GPC6: variants seen among roughly 807,000 people sequenced by gnomAD.
GPC6 encodes the protein glypican-6.
GPC6 carries 14 observed loss-of-function variants against 55.2 expected under a neutral mutation model. The ratio of observed to expected loss-of-function variants is 0.25; its 90% CI spans 0.17 to 0.40. The LOEUF is 0.40. GPC6 is among the 10% of genes least tolerant of loss of function. The pLI is 1.00. For missense variants in GPC6, 641 were observed against 708.5 expected (o/e 0.90, Z 1.08); for synonymous variants, 278 against 259.6 (o/e 1.07, Z -0.68).
rs1253451698 is a variant in GPC6 at position 94,374,131 on chromosome 13, C to T, written c.1153-8283C>T. ...AATCATGCCAAAGTGTAAAGACCATCGAGACTAGGAAGAAACTGCATCAAC... is the reference window on the plus strand; with the variant it reads ...AATCATGCCAAAGTGTAAAGACCATTGAGACTAGGAAGAAACTGCATCAAC... On this transcript the variant is annotated intron_variant, in intron 6 of 8. Transcript: ENST00000377047. Among the ~76,000 whole-genome samples, 11 of 151,940 alleles carry T rather than the reference C, an allele frequency of 7.2e-5. 1 individual carries two copies. Among genetic ancestry groups the T allele is most frequent in the Admixed American group, 5.2e-4 (8 of 15,250 alleles).
intron 4 of GPC6, among the ~76,000 whole-genome samples, chr13:94,147,516 G>A (rs964995500): frequency 6.6e-6 from 1 of 152,168 alleles, no homozygotes; most frequent in Non-Finnish European, 1.5e-5. Context: ...GGTTGAGTAA[G>A]ATGATGCATA....
At chr13:93,471,269 C>G (rs1594193364) in intron 1 of GPC6, among the ~76,000 whole-genome samples, 1 of 150,540 alleles carries the variant, frequency 6.6e-6, no homozygotes. Flanking sequence ...AATCCCAGCA[C>G]TTTGGGAGGC....
intron 4 of GPC6, among the ~76,000 whole-genome samples, chr13:94,195,300 C>T (rs561006122): frequency 1.3e-5 from 2 of 152,020 alleles, no homozygotes; most frequent in Admixed American, 6.6e-5. Flanking sequence ...AGTAAGAAGC[C>T]ATTGTGGGCA....
intron 4 of GPC6, among the ~76,000 whole-genome samples, chr13:94,238,617 G>A (rs994352521): frequency 1.3e-5 from 2 of 152,158 alleles, no homozygotes; most frequent in Non-Finnish European, 2.9e-5. Context: ...GAAGTCTTTT[G>A]AGAAAGCAGT....
intron 4 of GPC6, among the ~76,000 whole-genome samples, chr13:94,097,224 A>C (rs1204246482): frequency 6.6e-6 from 1 of 152,066 alleles, no homozygotes; most frequent in Non-Finnish European, 1.5e-5. Flanking sequence ...GCAATTGGGC[A>C]GGGCGCGGTG....
intron 4 of GPC6, among the ~76,000 whole-genome samples, chr13:94,032,781 G>A (rs1883189975): frequency 6.6e-6 from 1 of 152,086 alleles, no homozygotes; most frequent in African/African-American, 2.4e-5. Flanking sequence ...AAACTTTCTG[G>A]GCTTCTTCTT....
At position 94,404,857 on chromosome 13, in the gene GPC6, C is replaced by T. The variant is rs1290876896; in HGVS notation, c.*1640C>T. On this transcript the variant is annotated 3_prime_UTR_variant, in exon 9 of 9. Transcript: ENST00000377047. Reference sequence around the variant, plus strand: ...GCCAAAGCCAGGCCTTTCGCTCCCCCTGACAGAGAGAAGCAAAATAAACCC... The same window carrying T: ...GCCAAAGCCAGGCCTTTCGCTCCCCTTGACAGAGAGAAGCAAAATAAACCC... The T allele has an allele frequency of 3.3e-5, 5 of 152,216 alleles. No individual in the cohort carries two copies. Among genetic ancestry groups the T allele is most frequent in the Admixed American group, 2.0e-4 (3 of 15,284 alleles). The allele number at this position is 152,216 out of a possible 1,614,324, so 9.4% of individuals were successfully genotyped here.
intron 1 of GPC6, among the ~76,000 whole-genome samples, chr13:93,494,546 G>A (rs1880174226): frequency 6.6e-6 from 1 of 152,130 alleles, no homozygotes. Context: ...ATTGTTATGT[G>A]GGAATTTGAT....
chr13:93,338,178 G>A (rs1880111416), intron 1 of GPC6, among the ~76,000 whole-genome samples: 1 of 152,114 alleles, frequency 6.6e-6, no homozygotes, highest in Admixed American at 6.5e-5. Flanking sequence ...GATTTCCACT[G>A]CAAAGTCATT....
At chr13:93,462,115 T>G (rs1878713806) in intron 1 of GPC6, among the ~76,000 whole-genome samples, 1 of 152,180 alleles carries the variant, frequency 6.6e-6, no homozygotes, top group Non-Finnish European at 1.5e-5. Context: ...TGTGAAAGCC[T>G]TCATTTGCTT....
chr13:93,423,879 C>G (rs911857273), intron 1 of GPC6, among the ~76,000 whole-genome samples: 1 of 151,962 alleles, frequency 6.6e-6, no homozygotes, highest in Non-Finnish European at 1.5e-5. Flanking sequence ...ATGCAGCTGA[C>G]AAGCAAAGCA....
At chr13:93,831,823 G>A (rs1421895080) in intron 3 of GPC6, among the ~76,000 whole-genome samples, 1 of 151,342 alleles carries the variant, frequency 6.6e-6, no homozygotes, top group Non-Finnish European at 1.5e-5. Context: ...GGGCGCGGTG[G>A]CTCACATCTG....
rs189814701 is a variant in GPC6 at position 94,038,686 on chromosome 13, C to A, written c.877+10792C>A. On this transcript the variant is annotated intron_variant, in intron 4 of 8. Transcript: ENST00000377047. Reference sequence around the variant, plus strand: ...AAACTAGATAATTTATGTAAATCACCAAGGGTTAAGGCACATTCACAGAGC... The same window carrying A: ...AAACTAGATAATTTATGTAAATCACAAAGGGTTAAGGCACATTCACAGAGC... 1.9e-3 allele frequency among the ~76,000 whole-genome samples: 293 copies of A among 151,944 alleles called. 4 individuals are homozygous for A. Among genetic ancestry groups the A allele is most frequent in the Admixed American group, 0.017 (264 of 15,222 alleles).
intron 3 of GPC6, among the ~76,000 whole-genome samples, chr13:93,951,992 G>A (rs1209632262): frequency 1.3e-5 from 2 of 152,134 alleles, no homozygotes; most frequent in African/African-American, 2.4e-5. Flanking sequence ...CAACATGCTA[G>A]TTGATGGCTC....
At chr13:93,452,880 T>G (rs1437221467) in intron 1 of GPC6, among the ~76,000 whole-genome samples, 1 of 152,186 alleles carries the variant, frequency 6.6e-6, no homozygotes, top group Admixed American at 6.5e-5. Flanking sequence ...TAATGATGGT[T>G]TCCTAATCCA....
chr13:94,363,655 T>C (rs1332797836), intron 6 of GPC6, among the ~76,000 whole-genome samples: 1 of 152,134 alleles, frequency 6.6e-6, no homozygotes, highest in African/African-American at 2.4e-5. Context: ...CTGACGTGCT[T>C]AGGAAGGACC....
At chr13:93,987,268 T>C (rs1048760876) in intron 3 of GPC6, among the ~76,000 whole-genome samples, 2 of 152,220 alleles carry the variant, frequency 1.3e-5, no homozygotes, top group Admixed American at 6.5e-5. Flanking sequence ...AAAACTTTCA[T>C]TGTGTTCAAT....
At position 93,558,308 on chromosome 13, in the gene GPC6, A is replaced by T. The variant is rs118139109; in HGVS notation, c.319+12887A>T. ...TGTCATAGTGCTCACTTTCTTACCTATAAGGACCCTGACAGTCCTATAGAG... is the reference window on the plus strand; with the variant it reads ...TGTCATAGTGCTCACTTTCTTACCTTTAAGGACCCTGACAGTCCTATAGAG... On this transcript the variant is annotated intron_variant, in intron 2 of 8. Coordinates refer to ENST00000377047, the MANE Select transcript of GPC6 (RefSeq NM_005708.5). Among the ~76,000 whole-genome samples, 334 of 152,302 alleles carry T rather than the reference A, an allele frequency of 2.2e-3. 4 individuals are homozygous for T. The highest frequency in any genetic ancestry group is 1.8e-3 in the Non-Finnish European group (123 of 68,022).
intron 1 of GPC6, among the ~76,000 whole-genome samples, chr13:93,450,151 T>G (rs1239524528): frequency 6.6e-6 from 1 of 152,182 alleles, no homozygotes; most frequent in Non-Finnish European, 1.5e-5. Flanking sequence ...TGGAGTTTTT[T>G]TCTCACTTCC....
Sources: allele counts gnomAD v4.1 joint callset (sites outside exome capture counted in the v4.1 genomes callset), GRCh38; gene constraint gnomAD v4.1.1; transcripts MANE v1.5; gene names NCBI Gene and HGNC (gene_info 2026-07-23, HGNC 2026-07-21).